The following LAMA1 variants were observed in gnomAD, a reference collection of about 807,000 sequenced individuals.
LAMA1 encodes the protein laminin subunit alpha-1.
A neutral mutation model predicts 348.7 loss-of-function variants in LAMA1; 219 were observed. The ratio of observed to expected loss-of-function variants is 0.63; its 90% CI spans 0.56 to 0.70. The LOEUF (loss-of-function observed/expected upper bound fraction) is 0.70, where lower values mean the gene tolerates loss of function less well. Among genes scored for constraint, LAMA1 ranks in the 30% least tolerant of loss-of-function variants. LAMA1 has a pLI of 0.00. For synonymous variants in LAMA1, 1,487 were observed against 1,491.0 expected (o/e 1.00, Z 0.06); for missense variants, 3,744 against 3,888.0 (o/e 0.96, Z 0.99).
chr18:7,095,208 T>G (rs2058256274), intron 1 of LAMA1, among the ~76,000 whole-genome samples: 1 of 151,934 alleles, frequency 6.6e-6, no homozygotes, highest in Admixed American at 6.6e-5. Context: ...ATTTCCTAAG[T>G]TCTTCCCTAT....
Position 6,977,868 on chromosome 18 carries a change from T to TC in LAMA1, c.6203dup (p.Arg2069LysfsTer15), listed in dbSNP as rs2057689715. Reference sequence around the variant, plus strand: ...GAATTTCCACGTCTTTGACTTTTCTTCCAGCCAACAGAGCTAACAAATACA... The same window carrying TC: ...GAATTTCCACGTCTTTGACTTTTCTTCCCAGCCAACAGAGCTAACAAATACA... On this transcript the variant is annotated frameshift_variant, in exon 44 of 63. Coordinates refer to ENST00000389658, the MANE Select transcript of LAMA1 (RefSeq NM_005559.4). LOFTEE classifies it high-confidence loss of function. 1.2e-6 allele frequency: 2 copies of TC among 1,612,510 alleles called. No homozygotes were observed.
chr18:7,071,515 C>T (rs1350479215), intron 3 of LAMA1, among the ~76,000 whole-genome samples: 1 of 152,126 alleles, frequency 6.6e-6, no homozygotes, highest in Non-Finnish European at 1.5e-5. Flanking sequence ...AACCTTTTTT[C>T]ACTGAAAGCT....
intron 3 of LAMA1, among the ~76,000 whole-genome samples, chr18:7,055,518 T>C (rs1323861448): frequency 1.3e-5 from 2 of 151,694 alleles, no homozygotes; most frequent in Non-Finnish European, 2.9e-5. Flanking sequence ...TGTGTATGTC[T>C]TGGGAAGGAA....
At chr18:7,042,752 A>C (rs1010336957) in intron 8 of LAMA1, 3 of 207,986 alleles carry the variant, frequency 1.4e-5, no homozygotes, top group African/African-American at 7.1e-5. Flanking sequence ...GTGTGGTGGA[A>C]CATGCCTGTA....
At chr18:6,983,010 C>A in intron 40 of LAMA1, 89 bp downstream of exon 40, 2 of 1,516,176 alleles carry the variant, frequency 1.3e-6, no homozygotes, top group Non-Finnish European at 1.8e-6. Context: ...TGTTAATAGG[C>A]AGAAATTGGG....
chr18:7,007,481 A>C (rs921661682), intron 28 of LAMA1, among the ~76,000 whole-genome samples: 3 of 152,120 alleles, frequency 2.0e-5, no homozygotes, highest in African/African-American at 7.2e-5. Context: ...AAAAAAAAAA[A>C]AAAAACTAAC....
intron 3 of LAMA1, among the ~76,000 whole-genome samples, chr18:7,065,758 AATAAGT>A (rs1440708104): frequency 1.3e-5 from 2 of 152,184 alleles, no homozygotes; most frequent in African/African-American, 2.4e-5. Flanking sequence ...AACAGAAGCG[AATAAGT>A]ATAATAGTTT....
chr18:7,053,458 G>A (rs1189873604), intron 3 of LAMA1, among the ~76,000 whole-genome samples: 3 of 152,148 alleles, frequency 2.0e-5, no homozygotes, highest in Middle Eastern at 3.4e-3. Context: ...ATGGAACTTC[G>A]TACTTTCTGC....
intron 29 of LAMA1, among the ~76,000 whole-genome samples, chr18:7,004,239 TC>T (rs1017857378): frequency 6.6e-6 from 1 of 152,202 alleles, no homozygotes; most frequent in African/African-American, 2.4e-5. Context: ...GTAAAAAGGT[TC>T]AGTCGTATCT....
chr18:7,089,135 T>C (rs2058229429), intron 1 of LAMA1, among the ~76,000 whole-genome samples: 1 of 152,034 alleles, frequency 6.6e-6, no homozygotes, highest in Non-Finnish European at 1.5e-5. Flanking sequence ...TCTCAGCACG[T>C]TCGGAGGCTG....
chr18:6,957,256 T>C (rs906402115), intron 55 of LAMA1: 9 of 182,420 alleles, frequency 4.9e-5, no homozygotes, highest in African/African-American at 9.4e-5. Flanking sequence ...CCTGGCACTT[T>C]CCCGGGCACA....
chr18:6,961,490 G>T, intron 53 of LAMA1, 96 bp downstream of exon 53: 1 of 1,422,546 alleles, frequency 7.0e-7, no homozygotes, highest in Non-Finnish European at 9.7e-7. Context: ...CCAGGAACAC[G>T]GTGACAATAA....
In LAMA1 at chr18:7,052,549, A is replaced by C. The variant is rs536945126; in HGVS notation, c.346-1613T>G. ...CGAGACCAGCCTGACCAACACGGTGAAACCACACCTCTACTAAATACAAAA... is the reference window on the plus strand; with the variant it reads ...CGAGACCAGCCTGACCAACACGGTGCAACCACACCTCTACTAAATACAAAA... On this transcript the variant is annotated intron_variant, in intron 3 of 62. Transcript: ENST00000389658. Among the ~76,000 whole-genome samples, 6 of 151,966 alleles carry C rather than the reference A, an allele frequency of 3.9e-5. No individual in the cohort carries two copies. The East Asian group carries it at 9.7e-4, about 25-fold the overall frequency.
chr18:7,007,211 C>G lies in LAMA1; in HGVS notation c.4188G>C (p.Leu1396=). The stretch of plus-strand genomic sequence containing the variant: ...AACTGCAGGGAACACAAGGAGCAAC[C>G]AGAGGGCGTGGTCCCCTGTCACTCC... ...PAGSDRGPRP[L]VAPCVPCSCN... The change falls in exon 29 of 63, where the codon CTG becomes CTC. Residue 1396 remains leucine (L), a synonymous_variant. Coordinates refer to ENST00000389658, the MANE Select transcript of LAMA1 (RefSeq NM_005559.4). 6.2e-7 allele frequency: 1 copy of G among 1,614,110 alleles called. No individual in the cohort carries two copies. The highest frequency in any genetic ancestry group is 8.5e-7 in the Non-Finnish European group (1 of 1,180,012).
At chr18:6,978,672 A>C (rs686307) in intron 42 of LAMA1, among the ~76,000 whole-genome samples, 42,925 of 152,092 alleles carry the variant, frequency 0.28, 8,041 homozygotes, top group African/African-American at 0.54. Flanking sequence ...GATTTCAATA[A>C]ACAATGAGAT....
intron 61 of LAMA1, among the ~76,000 whole-genome samples, chr18:6,945,837 T>C (rs565243062): frequency 7.9e-5 from 12 of 152,210 alleles, no homozygotes; most frequent in African/African-American, 2.4e-4. Flanking sequence ...TGTAAGAGGC[T>C]GCCCTGAAGA....
At chr18:6,960,674 T>TAAAAAA (rs1352926000) in intron 53 of LAMA1, 2,449 of 139,646 alleles carry the variant, frequency 0.018, 73 homozygotes, top group African/African-American at 0.064. Flanking sequence ...TCAGCTCAAC[T>TAAAAAA]ACAAAAAAAA....
chr18:6,977,738 G>C lies in LAMA1; in HGVS notation c.6334C>G (p.Gln2112Glu), dbSNP rs777927176. 6 of 1,613,996 alleles carry C rather than the reference G, an allele frequency of 3.7e-6. No homozygotes were observed. In the East Asian group the frequency reaches 1.3e-4, roughly 36 times the overall value. The change falls in exon 44 of 63, where the codon CAA becomes GAA. Residue 2112 changes from glutamine (Q) to glutamate (E), a missense_variant. By Grantham distance (29) the Gln-to-Glu change is conservative (BLOSUM62 2). Coordinates refer to ENST00000389658, the MANE Select transcript of LAMA1 (RefSeq NM_005559.4). ...GGCCCCAAACTCACAGAAGCTGCTTGTTTGCGGGCCTGGCTGATCAACAGT... is the reference window on the plus strand; with the variant it reads ...GGCCCCAAACTCACAGAAGCTGCTTCTTTGCGGGCCTGGCTGATCAACAGT... ...IKLLISQARK[Q>E]AASIKVAVSA... is the part of the protein sequence containing the mutation.
chr18:7,012,186 T>G, intron 23 of LAMA1, 48 bp from the exon 24 acceptor site: 1 of 1,591,132 alleles, frequency 6.3e-7, no homozygotes, highest in Non-Finnish European at 8.6e-7. Context: ...AAAAGAGATG[T>G]GATTTCTGAA....
Sources: gnomAD v4.1 joint callset for allele counts (sites outside exome capture counted in the v4.1 genomes callset) on GRCh38, gnomAD v4.1.1 for gene constraint, MANE v1.5 for transcripts, NCBI Gene and HGNC (gene_info 2026-07-23, HGNC 2026-07-21) for gene names.